The following DNAJB6 variants were observed in gnomAD, a reference collection of about 807,000 sequenced individuals.
DNAJB6 encodes the protein dnaJ homolog subfamily B member 6.
In DNAJB6, 16 loss-of-function variants were observed where a neutral mutation model predicts 42.7. The observed-to-expected ratio is 0.37, with a 90% CI of 0.25 to 0.57. The LOEUF is 0.57. Among genes scored for constraint, DNAJB6 ranks in the 20% least tolerant of loss-of-function variants. DNAJB6 has a pLI of 0.74. For missense variants in DNAJB6, 347 were observed against 416.8 expected (o/e 0.83, Z 1.46); for synonymous variants, 170 against 163.5 (o/e 1.04, Z -0.30).
At chr7:157,359,482 C>T (rs766389677) in intron 2 of DNAJB6, among the ~76,000 whole-genome samples, 7 of 152,038 alleles carry the variant, frequency 4.6e-5, no homozygotes, top group Non-Finnish European at 8.8e-5. Context: ...CAGATTGCTG[C>T]GGTTATATTT....
chr7:157,388,066 G>C (rs1801159931), intron 8 of DNAJB6, among the ~76,000 whole-genome samples: 1 of 152,082 alleles, frequency 6.6e-6, no homozygotes, highest in African/African-American at 2.4e-5. Context: ...GGCTGGTCTG[G>C]AACTCTTGAC....
chr7:157,345,093 A>G (rs976720513), intron 1 of DNAJB6, among the ~76,000 whole-genome samples: 1 of 152,024 alleles, frequency 6.6e-6, no homozygotes, highest in Admixed American at 6.6e-5. Context: ...TTCCAGGTTC[A>G]AGTGATTCTC....
At chr7:157,410,537 G>A (rs1360182846) in intron 9 of DNAJB6, 1 of 170,838 alleles carries the variant, frequency 5.9e-6, no homozygotes, top group Non-Finnish European at 1.2e-5. Flanking sequence ...CCTCCCACCT[G>A]TTAGGGAGCC....
At chr7:157,410,199 C>A in intron 9 of DNAJB6, 198 bp downstream of exon 9, 1 of 1,312,452 alleles carries the variant, frequency 7.6e-7, no homozygotes. Context: ...TGGCTCCGGG[C>A]CCCCCACCGT....
At chr7:157,369,753 T>TTAACATTATTATTAAACAGGCCTTTCA (rs1330082082) in intron 5 of DNAJB6, among the ~76,000 whole-genome samples, 17 of 147,022 alleles carry the variant, frequency 1.2e-4, no homozygotes, top group Admixed American at 1.1e-3. Flanking sequence ...AGGCCCCTTC[T>TTAACATTATTATTAAACAGGCCTTTCA]TAACATTATT....
intron 8 of DNAJB6, among the ~76,000 whole-genome samples, chr7:157,393,119 G>A (rs1262001314): frequency 6.6e-6 from 1 of 151,930 alleles, no homozygotes; most frequent in Admixed American, 6.6e-5. Context: ...AATTACAGGC[G>A]CCTGCCACCA....
intron 1 of DNAJB6, among the ~76,000 whole-genome samples, chr7:157,342,645 T>A (rs1798462414): frequency 6.6e-6 from 1 of 152,192 alleles, no homozygotes; most frequent in Middle Eastern, 3.4e-3. Context: ...TTAGTAGAGA[T>A]AGGGTTTCAC....
intron 1 of DNAJB6, among the ~76,000 whole-genome samples, chr7:157,341,940 C>T (rs934362967): frequency 1.3e-5 from 2 of 152,168 alleles, no homozygotes; most frequent in African/African-American, 4.8e-5. Flanking sequence ...GATCTTGGCT[C>T]ACCGCAACCT....
At chr7:157,358,249 G>A (rs958150830) in intron 1 of DNAJB6, among the ~76,000 whole-genome samples, 1 of 152,212 alleles carries the variant, frequency 6.6e-6, no homozygotes, top group Admixed American at 6.5e-5. Context: ...TCAGCTAGTG[G>A]TCAAGTGGCA....
At position 157,385,017 on chromosome 7, in the gene DNAJB6, G is replaced by T; in HGVS notation, c.620+9G>T. ...AAAATCACTACAAAGAGGTACTGTGGTATTCTGCATTTTATATTTTTAGTA... is the reference window on the plus strand; with the variant it reads ...AAAATCACTACAAAGAGGTACTGTGTTATTCTGCATTTTATATTTTTAGTA... On this transcript the variant is annotated intron_variant, in intron 7 of 9. Transcript: ENST00000262177. 1 of 1,611,738 alleles carries T rather than the reference G, an allele frequency of 6.2e-7. No homozygotes were observed. The highest frequency in any genetic ancestry group is 1.7e-4 in the Middle Eastern group (1 of 6,050).
intron 8 of DNAJB6, among the ~76,000 whole-genome samples, chr7:157,403,356 G>T (rs890281497): frequency 5.0e-4 from 76 of 152,326 alleles, no homozygotes; most frequent in Non-Finnish European, 8.8e-5. Flanking sequence ...GTGAAGATAA[G>T]CTGTCCACTG....
chr7:157,404,649 T>C (rs956807255), intron 8 of DNAJB6, among the ~76,000 whole-genome samples: 1 of 151,910 alleles, frequency 6.6e-6, no homozygotes, highest in Non-Finnish European at 1.5e-5. Flanking sequence ...TAACTGGGAC[T>C]ACAGGCACAC....
chr7:157,409,133 A>G (rs969025375), intron 8 of DNAJB6, among the ~76,000 whole-genome samples: 15 of 151,942 alleles, frequency 9.9e-5, no homozygotes, highest in Admixed American at 3.9e-4. Flanking sequence ...CATTTTTTCC[A>G]TATTTCTTTT....
intron 8 of DNAJB6, among the ~76,000 whole-genome samples, chr7:157,388,191 T>C (rs2117106614): frequency 6.6e-6 from 1 of 152,328 alleles, no homozygotes; most frequent in Middle Eastern, 3.4e-3. Context: ...GAAGTGTAAT[T>C]TTATTAAGTT....
rs1242583691 is a variant in DNAJB6 at position 157,358,150 on chromosome 7, C to T, written c.-26-397C>T. ...GTCCTTGGAGCCCCGTGGTCTTGCCCGATGCCTGGCACAGGAATGCATTGA... is the reference window on the plus strand; with the variant it reads ...GTCCTTGGAGCCCCGTGGTCTTGCCTGATGCCTGGCACAGGAATGCATTGA... On this transcript the variant is annotated intron_variant, in intron 1 of 9. Transcript: ENST00000262177. Among the ~76,000 whole-genome samples the T allele has an allele frequency of 2.0e-5, 3 of 152,136 alleles. No individual in the cohort carries two copies. In the East Asian group the frequency reaches 5.8e-4, roughly 29 times the overall value.
At chr7:157,348,797 C>T (rs954179245) in intron 1 of DNAJB6, among the ~76,000 whole-genome samples, 2 of 152,128 alleles carry the variant, frequency 1.3e-5, no homozygotes, top group Non-Finnish European at 2.9e-5. Flanking sequence ...CTCCCTCTTA[C>T]TCCCAGCACC....
chr7:157,376,665 G>A (rs1039457077), intron 5 of DNAJB6, among the ~76,000 whole-genome samples: 2 of 152,136 alleles, frequency 1.3e-5, no homozygotes, highest in Non-Finnish European at 2.9e-5. Flanking sequence ...TGGATCGCTT[G>A]AGGTCAGGAG....
chr7:157,392,566 C>T (rs916490274), intron 8 of DNAJB6, among the ~76,000 whole-genome samples: 12 of 152,086 alleles, frequency 7.9e-5, no homozygotes, highest in Admixed American at 4.6e-4. Flanking sequence ...ATTTCTTGCC[C>T]GCGTTTCTGC....
At position 157,353,196 on chromosome 7, in the gene DNAJB6, G is replaced by A. The variant is rs143162263; in HGVS notation, c.-26-5351G>A. ...GTCCGCCTCGGGCTCCTAAAGTGTT[G>A]AGATTACAGGTGTGAGCTGCCGCAC... On this transcript the variant is annotated intron_variant, in intron 1 of 9. Transcript: ENST00000262177. Among the ~76,000 whole-genome samples the A allele has an allele frequency of 2.0e-5, 3 of 150,804 alleles. No individual in the cohort carries two copies. The East Asian group carries it at 6.0e-4, about 30-fold the overall frequency.
Sources: allele counts gnomAD v4.1 joint callset (sites outside exome capture counted in the v4.1 genomes callset), GRCh38; gene constraint gnomAD v4.1.1; transcripts MANE v1.5; gene names NCBI Gene and HGNC (gene_info 2026-07-23, HGNC 2026-07-21).